Variants in SPSB1 observed in about 807,000 individuals in gnomAD.
The protein encoded by SPSB1 is SPRY domain-containing SOCS box protein 1.
Under a neutral mutation model 21.2 loss-of-function variants are expected in SPSB1, and 8 were observed. The ratio of observed to expected loss-of-function variants is 0.38; its 90% CI spans 0.22 to 0.68. The LOEUF is 0.68. SPSB1 is among the 30% of genes least tolerant of loss of function. SPSB1 has a pLI of 0.53. For missense variants in SPSB1, 242 were observed against 377.8 expected, an observed-to-expected ratio of 0.64 and a Z score of 2.98; for synonymous variants, 169 against 161.7, an observed-to-expected ratio of 1.05 and a Z score of -0.34.
chr1:9,314,251 T>C (rs963101690), intron 1 of SPSB1, among the ~76,000 whole-genome samples: 4 of 151,840 alleles, frequency 2.6e-5, no homozygotes, highest in Non-Finnish European at 5.9e-5. Context: ...CACCTGACAT[T>C]TTCAGTGTCT....
At chr1:9,312,118 C>G (rs961184839) in intron 1 of SPSB1, among the ~76,000 whole-genome samples, 2 of 152,112 alleles carry the variant, frequency 1.3e-5, no homozygotes, top group Admixed American at 6.5e-5. Flanking sequence ...GCTGGGACCA[C>G]AGACACATGC....
intron 1 of SPSB1, among the ~76,000 whole-genome samples, chr1:9,350,712 G>C (rs377720706): frequency 1.3e-5 from 2 of 152,238 alleles, no homozygotes; most frequent in South Asian, 4.1e-4. Flanking sequence ...CTTTGCGTCT[G>C]CTCCTCCTGG....
At chr1:9,353,297 G>A (rs972860827) in intron 1 of SPSB1, among the ~76,000 whole-genome samples, 6 of 152,122 alleles carry the variant, frequency 3.9e-5, no homozygotes, top group South Asian at 2.1e-4. Flanking sequence ...GGCCACACCC[G>A]CACCACACCA....
intron 1 of SPSB1, among the ~76,000 whole-genome samples, chr1:9,308,555 G>C (rs1010602655): frequency 1.3e-5 from 2 of 152,150 alleles, no homozygotes; most frequent in African/African-American, 2.4e-5. Flanking sequence ...TTTAGTTTAG[G>C]GTGTCTCAGA....
In SPSB1 at chr1:9,324,802, G is replaced by C. The variant is rs1639785300; in HGVS notation, c.-149-30941G>C. On this transcript the variant is annotated intron_variant, in intron 1 of 2. Coordinates refer to ENST00000328089, the MANE Select transcript of SPSB1 (RefSeq NM_025106.4). This position sits in a 1 kb window ranked among gnomAD's most constrained non-coding sequence, Gnocchi z 4.3. ...AACGCTTGTGGCCCTGGACTTCTTA[G>C]AGCCAACACTGGGCCAGACAGTCGT... 6.6e-6 allele frequency among the ~76,000 whole-genome samples: 1 copy of C among 152,194 alleles called. No individual in the cohort carries two copies. Among genetic ancestry groups the C allele is most frequent in the Admixed American group, 6.5e-5 (1 of 15,290 alleles).
intron 1 of SPSB1, among the ~76,000 whole-genome samples, chr1:9,354,290 C>T (rs1307124245): frequency 6.6e-6 from 1 of 152,160 alleles, no homozygotes; most frequent in Non-Finnish European, 1.5e-5. Flanking sequence ...AGCGACCCAG[C>T]GTGACTCTCT....
chr1:9,334,511 G>A (rs1178197049), intron 1 of SPSB1, among the ~76,000 whole-genome samples: 5 of 152,208 alleles, frequency 3.3e-5, no homozygotes, highest in Non-Finnish European at 5.9e-5. Context: ...GTGAGCCACC[G>A]TGCCTGGCCA....
At position 9,302,845 on chromosome 1, in the gene SPSB1, G is replaced by C. The variant is rs1639356777; in HGVS notation, c.-150+9774G>C. Among the ~76,000 whole-genome samples the C allele has an allele frequency of 2.0e-5, 3 of 152,260 alleles. No homozygotes were observed. In the South Asian group the frequency reaches 6.2e-4, roughly 32 times the overall value. On this transcript the variant is annotated intron_variant, in intron 1 of 2. Coordinates refer to ENST00000328089, the MANE Select transcript of SPSB1 (RefSeq NM_025106.4). Reference sequence around the variant, plus strand: ...CCCGTAGCCAGGATTCACGGGTCCAGGAATCAAGGGGAGGAAATGGGAGTG... The same window carrying C: ...CCCGTAGCCAGGATTCACGGGTCCACGAATCAAGGGGAGGAAATGGGAGTG...
chr1:9,352,191 A>G (rs1349237609), intron 1 of SPSB1, among the ~76,000 whole-genome samples: 2 of 152,208 alleles, frequency 1.3e-5, no homozygotes, highest in African/African-American at 4.8e-5. Flanking sequence ...AGGTGCTGGC[A>G]TCTCAGAACT....
rs1235317603 is a variant in SPSB1 at position 9,293,105 on chromosome 1, G to GT, written c.-150+35dup. 3.1e-6 allele frequency: 3 copies of GT among 980,464 alleles called. No individual in the cohort carries two copies. In the East Asian group the frequency reaches 3.5e-4, roughly 115 times the overall value. The allele number at this position is 980,464 out of a possible 1,614,324, so 60.7% of individuals were successfully genotyped here. A position where few individuals can be genotyped will look rare whatever the true frequency, so the allele number is the denominator to read the frequency against. On this transcript the variant is annotated intron_variant, in intron 1 of 2. Coordinates refer to ENST00000328089, the MANE Select transcript of SPSB1 (RefSeq NM_025106.4). The surrounding 1 kb of genome is among the most constrained non-coding windows in gnomAD (Gnocchi z 5.1). ...CGCGGGGCACCTGGGACCCCGATGG[G>GT]TGGGCGACCGGCCCGGGAGGGGGAG...
intron 2 of SPSB1, among the ~76,000 whole-genome samples, chr1:9,361,159 T>TTTTTTTTTTTTTTTCTTTC (rs1640468883): frequency 3.0e-5 from 1 of 33,230 alleles, no homozygotes; most frequent in Non-Finnish European, 6.7e-5. Flanking sequence ...TCATTTTCTT[T>TTTTTTTTTTTTTTTCTTTC]TTTTTTTTTT....
chr1:9,341,235 A>G (rs733096), intron 1 of SPSB1, among the ~76,000 whole-genome samples: 13,399 of 152,230 alleles, frequency 0.088, 1,597 homozygotes, highest in African/African-American at 0.27. Flanking sequence ...CACGGTACAC[A>G]CACCACTCCC....
In SPSB1 at chr1:9,355,954, C is replaced by T. The variant is rs372997486; in HGVS notation, c.63C>T (p.Pro21=). 5.7e-5 allele frequency: 92 copies of T among 1,613,370 alleles called. No homozygotes were observed. Among genetic ancestry groups the T allele is most frequent in the Non-Finnish European group, 7.6e-5 (90 of 1,179,716 alleles). The change falls in exon 2 of 3, where the codon CCC becomes CCT. Residue 21 remains proline, a synonymous_variant. Coordinates refer to ENST00000328089, the MANE Select transcript of SPSB1 (RefSeq NM_025106.4). ...TVDMRDPTYR[P]LKQELQGLDY... ...ACATGAGGGACCCCACGTACAGGCC[C>T]CTGAAGCAGGAGCTCCAGGGTCTGG...
At chr1:9,301,361 G>A (rs1342618524) in intron 1 of SPSB1, among the ~76,000 whole-genome samples, 3 of 152,108 alleles carry the variant, frequency 2.0e-5, no homozygotes, top group Non-Finnish European at 2.9e-5. Context: ...TTAGCTGGGC[G>A]TGGTAGCTCA....
intron 1 of SPSB1, among the ~76,000 whole-genome samples, chr1:9,335,045 T>C (rs192035608): frequency 1.2e-4 from 19 of 152,342 alleles, no homozygotes; most frequent in Non-Finnish European, 2.5e-4. Context: ...TTGCATTTAT[T>C]TGAGTGAACA....
intron 1 of SPSB1, chr1:9,351,336 TGTG>T (rs1203113273): frequency 2.0e-5 from 3 of 152,296 alleles, no homozygotes; most frequent in African/African-American, 7.2e-5. Flanking sequence ...TAGGGCCAGA[TGTG>T]GTGACCAGGA....
intron 1 of SPSB1, among the ~76,000 whole-genome samples, chr1:9,330,986 G>C (rs1639908587): frequency 6.6e-6 from 1 of 151,828 alleles, no homozygotes; most frequent in East Asian, 1.9e-4. Context: ...ATTGAAGGAT[G>C]ATATACCCAG....
chr1:9,301,481 C>A (rs957847076), intron 1 of SPSB1, among the ~76,000 whole-genome samples: 3 of 152,100 alleles, frequency 2.0e-5, no homozygotes, highest in Non-Finnish European at 4.4e-5. Context: ...CAGAATGAGA[C>A]CCTGTATCAA....
intron 2 of SPSB1, among the ~76,000 whole-genome samples, chr1:9,364,866 T>C (rs952967489): frequency 6.6e-5 from 10 of 152,160 alleles, no homozygotes; most frequent in African/African-American, 2.2e-4. Context: ...TGTTGGTTTT[T>C]CTGAGACAGA....
Sources: allele counts gnomAD v4.1 joint callset (sites outside exome capture counted in the v4.1 genomes callset), GRCh38; gene constraint gnomAD v4.1.1; non-coding constraint Gnocchi (gnomAD v3.1); transcripts MANE v1.5; gene names NCBI Gene and HGNC (gene_info 2026-07-23, HGNC 2026-07-21).